The following ADGRB3 variants were observed in gnomAD, a reference collection of about 807,000 sequenced individuals.
ADGRB3 encodes brain-specific angiogenesis inhibitor 3.
Under a neutral mutation model 193.4 loss-of-function variants are expected in ADGRB3, and 37 were observed. The observed-to-expected ratio is 0.19, with a 90% CI of 0.15 to 0.25. The LOEUF is 0.25. Among genes scored for constraint, ADGRB3 ranks in the 10% least tolerant of loss-of-function variants. The probability of loss-of-function intolerance (pLI) is 1.00; values close to 1 mark genes in which losing one functional copy is unlikely to be tolerated. For synonymous variants in ADGRB3, 690 were observed against 644.2 expected, an observed-to-expected ratio of 1.07 and a Z score of -1.08; for missense variants, 1,637 against 1,852.9, an observed-to-expected ratio of 0.88 and a Z score of 2.14.
At chr6:68,794,411 A>T (rs1050214599) in intron 3 of ADGRB3, among the ~76,000 whole-genome samples, 5 of 152,096 alleles carry the variant, frequency 3.3e-5, no homozygotes, top group Admixed American at 2.6e-4. Flanking sequence ...AAAGCTATGG[A>T]ATCAATTTGA....
chr6:69,170,094 C>T (rs1451522934), intron 17 of ADGRB3, among the ~76,000 whole-genome samples: 1 of 152,108 alleles, frequency 6.6e-6, no homozygotes, highest in African/African-American at 2.4e-5. Context: ...TTTCTTTACT[C>T]TTGCTCTCAA....
intron 28 of ADGRB3, among the ~76,000 whole-genome samples, chr6:69,358,276 A>C (rs967084170): frequency 2.0e-5 from 3 of 151,876 alleles, no homozygotes; most frequent in African/African-American, 7.2e-5. Context: ...GGGGTCTGAA[A>C]CTGGAGGTTG....
chr6:68,875,836 T>A (rs926870113), intron 3 of ADGRB3, among the ~76,000 whole-genome samples: 3 of 152,110 alleles, frequency 2.0e-5, no homozygotes, highest in South Asian at 2.1e-4. Flanking sequence ...TTTAATTTTT[T>A]AAAAAACTTA....
intron 20 of ADGRB3, among the ~76,000 whole-genome samples, chr6:69,253,979 A>G (rs1188351644): frequency 6.6e-6 from 1 of 152,152 alleles, no homozygotes; most frequent in African/African-American, 2.4e-5. Flanking sequence ...AGAAATGAGC[A>G]GCAATATTCC....
chr6:68,819,909 A>C (rs1449150123), intron 3 of ADGRB3, among the ~76,000 whole-genome samples: 1 of 152,108 alleles, frequency 6.6e-6, no homozygotes, highest in Non-Finnish European at 1.5e-5. Flanking sequence ...ATCATCAAAT[A>C]CTTTTATTTC....
At chr6:69,328,988 A>T (rs1768647400) in intron 22 of ADGRB3, among the ~76,000 whole-genome samples, 1 of 152,150 alleles carries the variant, frequency 6.6e-6, no homozygotes, top group African/African-American at 2.4e-5. Context: ...ACAATAAGTA[A>T]TGCATTTATT....
At position 68,701,840 on chromosome 6, in the gene ADGRB3, G is replaced by A. The variant is rs549494197; in HGVS notation, c.757+62408G>A. 3.9e-5 allele frequency among the ~76,000 whole-genome samples: 6 copies of A among 152,194 alleles called. No individual in the cohort carries two copies. In the South Asian group the frequency reaches 1.0e-3, roughly 26 times the overall value. Reference sequence around the variant, plus strand: ...AAATGGCACAGTCGTAACACACCAGGAAACATCTTCCTTTTTAATATTTAT... The same window carrying A: ...AAATGGCACAGTCGTAACACACCAGAAAACATCTTCCTTTTTAATATTTAT... On this transcript the variant is annotated intron_variant, in intron 3 of 31. Coordinates refer to ENST00000370598, the MANE Select transcript of ADGRB3 (RefSeq NM_001704.3).
At chr6:69,216,240 G>A (rs936113492) in intron 17 of ADGRB3, among the ~76,000 whole-genome samples, 19 of 152,114 alleles carry the variant, frequency 1.2e-4, no homozygotes, top group Admixed American at 7.2e-4. Flanking sequence ...ACCCTAATAG[G>A]TCTAAACAGA....
rs1765894591 is a variant in ADGRB3 at position 69,221,556 on chromosome 6, CT to C, written c.2481-11733del. ...TGTCAACTGAAGCAGCTACTCTTCC[CT>C]CATTTACCTAACATCTTATTGTTTT... is the stretch of plus-strand genomic sequence containing the variant. On this transcript the variant is annotated intron_variant, in intron 17 of 31. Transcript: ENST00000370598. Among the ~76,000 whole-genome samples, 3 of 152,058 alleles carry C rather than the reference CT, an allele frequency of 2.0e-5. No individual in the cohort carries two copies. In the South Asian group the frequency reaches 6.2e-4, roughly 32 times the overall value.
chr6:69,048,361 G>C, intron 14 of ADGRB3, 27 bp downstream of exon 14: 1 of 1,596,718 alleles, frequency 6.3e-7, no homozygotes, highest in Non-Finnish European at 8.5e-7. Context: ...ATATGAGCTT[G>C]AACAAGACAT....
At chr6:69,340,005 T>C (rs570493759) in intron 26 of ADGRB3, among the ~76,000 whole-genome samples, 36 of 152,324 alleles carry the variant, frequency 2.4e-4, no homozygotes, top group African/African-American at 8.4e-4. Flanking sequence ...GTCTCTATAC[T>C]AAGTTTTGGT....
At chr6:69,012,984 A>G (rs562049407) in intron 11 of ADGRB3, among the ~76,000 whole-genome samples, 1 of 152,004 alleles carries the variant, frequency 6.6e-6, no homozygotes, top group Admixed American at 6.6e-5. Flanking sequence ...GTCAGACGAG[A>G]TGGGTTCTGA....
intron 17 of ADGRB3, among the ~76,000 whole-genome samples, chr6:69,146,147 G>A (rs1013558529): frequency 7.2e-5 from 11 of 152,200 alleles, no homozygotes; most frequent in African/African-American, 2.4e-4. Flanking sequence ...TCACCTGCAG[G>A]TGAGTGCCAA....
intron 4 of ADGRB3, among the ~76,000 whole-genome samples, chr6:68,932,458 A>G (rs1767366967): frequency 6.6e-6 from 1 of 152,178 alleles, no homozygotes; most frequent in African/African-American, 2.4e-5. Flanking sequence ...TACTAATTTC[A>G]AAATGATGAA....
chr6:68,708,180 C>CT (rs1184831778), intron 3 of ADGRB3, among the ~76,000 whole-genome samples: 1 of 152,066 alleles, frequency 6.6e-6, no homozygotes, highest in Admixed American at 6.6e-5. Flanking sequence ...GCAATTTTGA[C>CT]TTTGTGGTTT....
chr6:69,219,917 T>C (rs1765856680), intron 17 of ADGRB3, among the ~76,000 whole-genome samples: 2 of 152,032 alleles, frequency 1.3e-5, no homozygotes, highest in South Asian at 2.1e-4. Context: ...AAATGAGTTA[T>C]AAAGACAGGA....
intron 3 of ADGRB3, among the ~76,000 whole-genome samples, chr6:68,655,253 G>A (rs1010590618): frequency 2.6e-5 from 4 of 151,526 alleles, no homozygotes; most frequent in Non-Finnish European, 5.9e-5. Flanking sequence ...CAGCTCTGTG[G>A]CATTGACACT....
At chr6:68,772,894 A>AAAATATATATATAT (rs1466813173) in intron 3 of ADGRB3, among the ~76,000 whole-genome samples, 2 of 22,886 alleles carry the variant, frequency 8.7e-5, no homozygotes, top group African/African-American at 3.9e-4. Context: ...AAAAAAAAAA[A>AAAATATATATATAT]ATATATATAT....
chr6:68,977,163 A>G, intron 10 of ADGRB3, among the ~76,000 whole-genome samples: 1 of 151,086 alleles, frequency 6.6e-6, no homozygotes, highest in East Asian at 1.9e-4. Context: ...GTGAGGGAAT[A>G]TAACATATAG....
Sources: gnomAD v4.1 joint callset for allele counts (sites outside exome capture counted in the v4.1 genomes callset) on GRCh38, gnomAD v4.1.1 for gene constraint, MANE v1.5 for transcripts, NCBI Gene and HGNC (gene_info 2026-07-23, HGNC 2026-07-21) for gene names.